CARMIL1: variants seen among roughly 807,000 people sequenced by gnomAD.
The protein encoded by CARMIL1 is F-actin-uncapping protein LRRC16A.
A neutral mutation model predicts 177.1 loss-of-function variants in CARMIL1; 90 were observed. The observed-to-expected ratio is 0.51, with a 90% confidence interval of 0.43 to 0.61. The LOEUF (loss-of-function observed/expected upper bound fraction) is 0.61, where lower values mean the gene tolerates loss of function less well. CARMIL1 is among the 20% of genes least tolerant of loss of function. The pLI is 0.00. For missense variants in CARMIL1, 1,380 were observed against 1,667.0 expected, an observed-to-expected ratio of 0.83 and a Z score of 3.00; for synonymous variants, 577 against 606.2, an observed-to-expected ratio of 0.95 and a Z score of 0.71.
chr6:25,321,719 T>C (rs7741122), intron 2 of CARMIL1, among the ~76,000 whole-genome samples: 108,429 of 151,536 alleles, frequency 0.72, 39,506 homozygotes, highest in African/African-American at 0.87. Flanking sequence ...AGTGCAGTGG[T>C]GCGATCTCAG....
intron 5 of CARMIL1, among the ~76,000 whole-genome samples, chr6:25,441,056 T>A (rs962892768): frequency 6.6e-6 from 1 of 152,162 alleles, no homozygotes; most frequent in African/African-American, 2.4e-5. Context: ...TTTCTGATTT[T>A]ACCCATATAC....
chr6:25,542,454 T>A (rs1028575709), intron 26 of CARMIL1, among the ~76,000 whole-genome samples: 6 of 152,194 alleles, frequency 3.9e-5, no homozygotes, highest in Admixed American at 6.5e-5. Flanking sequence ...ATCACCAGTG[T>A]TCTCCATTCA....
intron 26 of CARMIL1, among the ~76,000 whole-genome samples, chr6:25,541,362 G>T (rs6917868): frequency 6.6e-6 from 1 of 152,092 alleles, no homozygotes; most frequent in African/African-American, 2.4e-5. Context: ...ACAATGTCAT[G>T]AATACAATTA....
intron 8 of CARMIL1, among the ~76,000 whole-genome samples, chr6:25,457,205 AT>A (rs977013156): frequency 6.0e-4 from 91 of 151,566 alleles, no homozygotes; most frequent in Non-Finnish European, 1.1e-3. Flanking sequence ...ATTTTTGTCT[AT>A]TTTTTTCTCA....
At chr6:25,573,734 G>A (rs934476628) in intron 29 of CARMIL1, among the ~76,000 whole-genome samples, 68 of 151,468 alleles carry the variant, frequency 4.5e-4, no homozygotes. Flanking sequence ...GTCCATCTCA[G>A]TTCTGTATTA....
intron 5 of CARMIL1, among the ~76,000 whole-genome samples, chr6:25,438,779 A>G (rs1359940052): frequency 6.6e-6 from 1 of 151,960 alleles, no homozygotes. Context: ...GTTGGGATTT[A>G]GTAGTATTTT....
chr6:25,459,257 T>TCTTTCTTTCTTTCTTC (rs1582026082), intron 8 of CARMIL1, among the ~76,000 whole-genome samples: 2 of 123,610 alleles, frequency 1.6e-5, no homozygotes, highest in East Asian at 5.2e-4. Context: ...TTTCTTTCTT[T>TCTTTCTTTCTTTCTTC]CTTTCTTTCT....
intron 11 of CARMIL1, among the ~76,000 whole-genome samples, chr6:25,476,828 C>T (rs1324215269): frequency 1.3e-5 from 2 of 152,064 alleles, no homozygotes; most frequent in African/African-American, 4.8e-5. Context: ...CGGTGGCTCA[C>T]GACTGTAATC....
At chr6:25,465,593 G>GATTTC in intron 8 of CARMIL1, 1 of 381,358 alleles carries the variant, frequency 2.6e-6, no homozygotes, top group Non-Finnish European at 4.7e-6. Flanking sequence ...CTTAGAGGTA[G>GATTTC]GATTTCTCTC....
chr6:25,451,756 G>T (rs1353284395), intron 8 of CARMIL1, among the ~76,000 whole-genome samples: 1 of 151,920 alleles, frequency 6.6e-6, no homozygotes. Context: ...TAGTAGCAGG[G>T]GTAGCAGGGG....
intron 3 of CARMIL1, among the ~76,000 whole-genome samples, chr6:25,423,295 C>T (rs970040103): frequency 1.1e-4 from 16 of 152,088 alleles, no homozygotes; most frequent in African/African-American, 3.1e-4. Flanking sequence ...TAATTAACTA[C>T]GAAGCAAACA....
intron 8 of CARMIL1, chr6:25,451,986 G>GGGGGGGGGGGGCC: frequency 3.6e-5 from 4 of 112,668 alleles, no homozygotes; most frequent in East Asian, 2.0e-4. Context: ...CTAGCATCTT[G>GGGGGGGGGGGGCC]CCCCCCCCTC....
chr6:25,426,328 T>C (rs1361227331), intron 3 of CARMIL1, among the ~76,000 whole-genome samples, 173 bp from the exon 4 acceptor site: 2 of 152,160 alleles, frequency 1.3e-5, no homozygotes, highest in Non-Finnish European at 1.5e-5. Flanking sequence ...TTCTATCTTG[T>C]TGAATGAATG....
At chr6:25,432,281 C>T (rs1021813750) in intron 4 of CARMIL1, among the ~76,000 whole-genome samples, 2 of 152,096 alleles carry the variant, frequency 1.3e-5, no homozygotes, top group African/African-American at 4.8e-5. Flanking sequence ...AGAATCTAGC[C>T]TTGATTAGGA....
chr6:25,410,932 A>G (rs577569942), intron 2 of CARMIL1, among the ~76,000 whole-genome samples: 5 of 152,296 alleles, frequency 3.3e-5, no homozygotes, highest in South Asian at 2.1e-4. Context: ...GGGCACACAT[A>G]TCCCCTGACC....
rs138823374 is a variant in CARMIL1, at chr6:25,307,035, C to A, written c.138+22126C>A. On this transcript the variant is annotated intron_variant, in intron 2 of 36. Transcript: ENST00000329474. ...CTTGGCTTACAGGCGCCTGCCACCA[C>A]GCCTGGCTAATTTTTTTGTATTTTT... Among the ~76,000 whole-genome samples, 360 of 152,126 alleles carry A rather than the reference C, an allele frequency of 2.4e-3. 7 individuals carry two copies. The East Asian group carries it at 0.065, about 27-fold the overall frequency.
chr6:25,457,543 T>A (rs983951058), intron 8 of CARMIL1, among the ~76,000 whole-genome samples: 1 of 152,196 alleles, frequency 6.6e-6, no homozygotes, highest in Non-Finnish European at 1.5e-5. Flanking sequence ...TCTTAACTTT[T>A]TAAAGCACTC....
At chr6:25,591,181 G>A (rs9467535) in intron 31 of CARMIL1, among the ~76,000 whole-genome samples, 3 of 152,134 alleles carry the variant, frequency 2.0e-5, no homozygotes, top group Non-Finnish European at 4.4e-5. Context: ...GGCAGCTGCC[G>A]CATCAAAATC....
At chr6:25,427,194 G>T (rs1006311610) in intron 4 of CARMIL1, among the ~76,000 whole-genome samples, 3 of 151,812 alleles carry the variant, frequency 2.0e-5, no homozygotes, top group African/African-American at 7.3e-5. Context: ...TTTATTTTTA[G>T]TTCTGGGGTA....
Sources: gnomAD v4.1 joint callset for allele counts (sites outside exome capture counted in the v4.1 genomes callset) on GRCh38, gnomAD v4.1.1 for gene constraint, MANE v1.5 for transcripts, NCBI Gene and HGNC (gene_info 2026-07-23, HGNC 2026-07-21) for gene names.